ERC2: variants seen among roughly 807,000 people sequenced by gnomAD.
ERC2 encodes the protein ERC protein 2.
ERC2 carries 42 observed loss-of-function variants against 114.8 expected under a neutral mutation model. That is an observed-to-expected ratio of 0.37 (90% CI 0.29 to 0.47). ERC2 has a LOEUF of 0.47. Ranked by LOEUF, ERC2 falls within the 20% of genes least tolerant of loss-of-function variation. The probability of loss-of-function intolerance (pLI) is 0.99; values close to 1 mark genes in which losing one functional copy is unlikely to be tolerated. For synonymous variants in ERC2, 454 were observed against 425.5 expected, an observed-to-expected ratio of 1.07 and a Z score of -0.82; for missense variants, 939 against 1,150.7, an observed-to-expected ratio of 0.82 and a Z score of 2.66.
chr3:56,049,677 C>T (rs2075662663), intron 7 of ERC2, among the ~76,000 whole-genome samples: 1 of 152,172 alleles, frequency 6.6e-6, no homozygotes, highest in Non-Finnish European at 1.5e-5. Context: ...ATGCTGGATG[C>T]TTCCTGCTGT....
chr3:55,980,344 C>T (rs375766495), intron 12 of ERC2, among the ~76,000 whole-genome samples: 3 of 152,266 alleles, frequency 2.0e-5, no homozygotes, highest in African/African-American at 7.2e-5. Context: ...CAAACATACA[C>T]AGTGCCCACT....
At chr3:56,103,648 C>A (rs1450228205) in intron 6 of ERC2, among the ~76,000 whole-genome samples, 3 of 152,046 alleles carry the variant, frequency 2.0e-5, no homozygotes, top group Non-Finnish European at 4.4e-5. Flanking sequence ...GGGTAGAATC[C>A]AAGGAAGTCT....
intron 14 of ERC2, among the ~76,000 whole-genome samples, chr3:55,827,261 GAGAA>G (rs558242026): frequency 4.3e-4 from 65 of 149,478 alleles, no homozygotes; most frequent in South Asian, 1.5e-3. Context: ...AAGAAACAGA[GAGAA>G]AGAAAGAAAG....
At chr3:56,434,087 A>G (rs2061912256) in intron 2 of ERC2, 10 of 470,068 alleles carry the variant, frequency 2.1e-5, no homozygotes, top group Admixed American at 3.8e-5. Flanking sequence ...TACAAAAGTT[A>G]GGCAATGACA....
At chr3:55,583,484 CATCCCTCT>C (rs1559692894) in intron 17 of ERC2, among the ~76,000 whole-genome samples, 4 of 65,254 alleles carry the variant, frequency 6.1e-5, no homozygotes, top group South Asian at 7.5e-4. Flanking sequence ...CCCTCCCCTC[CATCCCTCT>C]CTCCTTCCCT....
chr3:55,755,074 A>ATTCATCTTCTTTTTTTTTT (rs1175392477), intron 14 of ERC2, among the ~76,000 whole-genome samples: 1 of 148,980 alleles, frequency 6.7e-6, no homozygotes, highest in Non-Finnish European at 1.5e-5. Context: ...GTGATTGGCT[A>ATTCATCTTCTTTTTTTTTT]TTCATCTTCT....
rs1179473082 is a variant in ERC2 at position 56,011,097 on chromosome 3, G to C, written c.1780-508C>G. 4.6e-5 allele frequency among the ~76,000 whole-genome samples: 7 copies of C among 152,238 alleles called. No individual in the cohort carries two copies. The East Asian group carries it at 1.3e-3, about 29-fold the overall frequency. On this transcript the variant is annotated intron_variant, in intron 8 of 17. Transcript: ENST00000288221. ...CAGGACCCAAACCCTCCAGGACTTA[G>C]AGCTGGGACTCATTGTGAGAACTTG...
chr3:56,457,215 T>C (rs1202985108), intron 1 of ERC2, among the ~76,000 whole-genome samples: 1 of 152,234 alleles, frequency 6.6e-6, no homozygotes, highest in Non-Finnish European at 1.5e-5. Context: ...TTAAAATTTA[T>C]TGAAATGAAC....
intron 17 of ERC2, among the ~76,000 whole-genome samples, chr3:55,620,020 A>G (rs2059264715): frequency 6.6e-6 from 1 of 152,200 alleles, no homozygotes. Context: ...TTAAATAGAT[A>G]ACCTGAGCTC....
chr3:56,014,130 G>C (rs1011161725), intron 8 of ERC2, among the ~76,000 whole-genome samples: 5 of 152,068 alleles, frequency 3.3e-5, no homozygotes, highest in African/African-American at 4.8e-5. Flanking sequence ...TGCAAACAGA[G>C]TTTGGAAATA....
intron 3 of ERC2, among the ~76,000 whole-genome samples, chr3:56,239,601 T>C (rs562958243): frequency 6.6e-6 from 1 of 152,314 alleles, no homozygotes; most frequent in African/African-American, 2.4e-5. Context: ...TATTTACTAT[T>C]ATTACTTGGG....
intron 3 of ERC2, among the ~76,000 whole-genome samples, chr3:56,229,838 T>C (rs1196230537): frequency 6.6e-6 from 1 of 151,800 alleles, no homozygotes; most frequent in Non-Finnish European, 1.5e-5. Context: ...GTTAGATCAT[T>C]TTCTCCTTTG....
At chr3:55,670,712 CAATGT>C (rs1035395986) in intron 17 of ERC2, among the ~76,000 whole-genome samples, 1 of 152,080 alleles carries the variant, frequency 6.6e-6, no homozygotes, top group African/African-American at 2.4e-5. Flanking sequence ...ACAAGATGAC[CAATGT>C]GAAAGCACTT....
chr3:56,170,745 C>T (rs147301959), intron 4 of ERC2, among the ~76,000 whole-genome samples: 4,172 of 148,712 alleles, frequency 0.028, 65 homozygotes, highest in Middle Eastern at 0.046. Context: ...TACAGCTGCC[C>T]GCCACCACAC....
chr3:55,765,121 CAT>C (rs1431714737), intron 14 of ERC2, among the ~76,000 whole-genome samples: 2 of 152,174 alleles, frequency 1.3e-5, no homozygotes, highest in Non-Finnish European at 2.9e-5. Context: ...TACAAGTCCA[CAT>C]GATCTATTTC....
chr3:55,801,062 C>T (rs1027637552), intron 14 of ERC2, among the ~76,000 whole-genome samples: 5 of 152,198 alleles, frequency 3.3e-5, no homozygotes, highest in African/African-American at 1.2e-4. Flanking sequence ...TAACATTCCC[C>T]TATATTGTGC....
intron 14 of ERC2, among the ~76,000 whole-genome samples, chr3:55,757,563 T>C (rs530980843): frequency 1.7e-4 from 26 of 152,284 alleles, no homozygotes; most frequent in African/African-American, 6.3e-4. Flanking sequence ...GTGCCTTACT[T>C]TCTTAATCTA....
intron 7 of ERC2, among the ~76,000 whole-genome samples, chr3:56,047,824 G>T (rs1354662812): frequency 6.6e-6 from 1 of 152,102 alleles, no homozygotes; most frequent in Admixed American, 6.5e-5. Flanking sequence ...GGGGCCACTT[G>T]CACCCTCAAA....
chr3:56,352,300 A>G (rs1179069185), intron 2 of ERC2, among the ~76,000 whole-genome samples: 1 of 152,126 alleles, frequency 6.6e-6, no homozygotes, highest in East Asian at 1.9e-4. Flanking sequence ...AAAAGAGGAA[A>G]CCAAGTTAAG....
Sources: allele counts gnomAD v4.1 joint callset (sites outside exome capture counted in the v4.1 genomes callset), GRCh38; gene constraint gnomAD v4.1.1; transcripts MANE v1.5; gene names NCBI Gene and HGNC (gene_info 2026-07-23, HGNC 2026-07-21).